Variants in FBXL17 observed in about 807,000 individuals in gnomAD.
The protein encoded by FBXL17 is F-box/LRR-repeat protein 17.
A neutral mutation model predicts 66.2 loss-of-function variants in FBXL17; 22 were observed. The observed-to-expected ratio is 0.33, with a 90% CI of 0.24 to 0.47. The LOEUF (loss-of-function observed/expected upper bound fraction) is 0.47. Among genes scored for constraint, FBXL17 ranks in the 20% least tolerant of loss-of-function variants. The pLI is 1.00. For synonymous variants in FBXL17, 474 were observed against 400.5 expected, an observed-to-expected ratio of 1.18 and a Z score of -2.19; for missense variants, 878 against 948.2, an observed-to-expected ratio of 0.93 and a Z score of 0.97.
chr5:108,248,572 G>A (rs1190945094), intron 4 of FBXL17, among the ~76,000 whole-genome samples: 1 of 152,018 alleles, frequency 6.6e-6, no homozygotes, highest in Admixed American at 6.6e-5. Flanking sequence ...CCCCAAATTT[G>A]GTAAAAGACA....
intron 4 of FBXL17, among the ~76,000 whole-genome samples, chr5:108,293,671 T>C (rs577232752): frequency 1.3e-5 from 2 of 152,180 alleles, no homozygotes; most frequent in Non-Finnish European, 2.9e-5. Flanking sequence ...AAACAGGTAT[T>C]TGCTGTTAAG....
At chr5:108,097,932 T>C (rs1427035286) in intron 6 of FBXL17, among the ~76,000 whole-genome samples, 2 of 152,198 alleles carry the variant, frequency 1.3e-5, no homozygotes, top group African/African-American at 4.8e-5. Flanking sequence ...TAACATTTTA[T>C]ATTGTCTAAC....
chr5:108,271,266 C>T (rs1757256290), intron 4 of FBXL17, among the ~76,000 whole-genome samples: 1 of 152,134 alleles, frequency 6.6e-6, no homozygotes, highest in African/African-American at 2.4e-5. Flanking sequence ...CCTATCTTCT[C>T]TATTAATCCA....
At chr5:107,863,817 T>C (rs964914814) in intron 8 of FBXL17, among the ~76,000 whole-genome samples, 7 of 152,144 alleles carry the variant, frequency 4.6e-5, no homozygotes, top group Non-Finnish European at 1.0e-4. Flanking sequence ...CTCAAGAATC[T>C]CCTTCTTCAG....
intron 7 of FBXL17, among the ~76,000 whole-genome samples, chr5:107,932,634 T>G (rs1168394064): frequency 6.6e-6 from 1 of 152,158 alleles, no homozygotes; most frequent in East Asian, 1.9e-4. Context: ...TTCTTCTCCT[T>G]TAGCATACGG....
chr5:108,074,504 G>T (rs286794), intron 6 of FBXL17, among the ~76,000 whole-genome samples: 84,211 of 151,610 alleles, frequency 0.56, 23,732 homozygotes, highest in African/African-American at 0.65. Flanking sequence ...TTGCTTCCTT[G>T]TTTTATGAAT....
At chr5:107,969,318 T>C (rs1299039477) in intron 7 of FBXL17, among the ~76,000 whole-genome samples, 1 of 152,118 alleles carries the variant, frequency 6.6e-6, no homozygotes, top group African/African-American at 2.4e-5. Context: ...TTAGTACACT[T>C]TAGTATACAC....
At chr5:108,074,797 T>C (rs984677829) in intron 6 of FBXL17, among the ~76,000 whole-genome samples, 2 of 152,208 alleles carry the variant, frequency 1.3e-5, no homozygotes, top group Admixed American at 1.3e-4. Context: ...GAGAGAACAC[T>C]TGACCTTTGT....
intron 6 of FBXL17, among the ~76,000 whole-genome samples, chr5:108,023,082 G>A: frequency 6.6e-6 from 1 of 152,094 alleles, no homozygotes; most frequent in Non-Finnish European, 1.5e-5. Context: ...TAAGAGAAAA[G>A]CAATTTGCTT....
chr5:108,272,084 A>T (rs1315888658), intron 4 of FBXL17, among the ~76,000 whole-genome samples: 1 of 152,090 alleles, frequency 6.6e-6, no homozygotes, highest in Non-Finnish European at 1.5e-5. Context: ...AGGTCATGAG[A>T]TCGAGACCAT....
chr5:108,263,286 G>A (rs929895666), intron 4 of FBXL17, among the ~76,000 whole-genome samples: 1 of 151,506 alleles, frequency 6.6e-6, no homozygotes, highest in African/African-American at 2.4e-5. Context: ...AAATTAAATT[G>A]AAAATAAAAT....
chr5:107,967,054 T>C (rs553049901), intron 7 of FBXL17, among the ~76,000 whole-genome samples: 1 of 152,228 alleles, frequency 6.6e-6, no homozygotes, highest in East Asian at 1.9e-4. Context: ...TGTGAATCAG[T>C]GGCATGACAA....
rs746067118 is a variant in FBXL17, at chr5:107,861,678, G to T, written c.*42C>A. The T allele has an allele frequency of 5.5e-5, 83 of 1,502,458 alleles. No homozygotes were observed. The highest frequency in any genetic ancestry group is 7.4e-5 in the Non-Finnish European group (83 of 1,118,782). 93.1% of individuals were successfully genotyped at this position (1,502,458 alleles called of 1,614,324 possible). On this transcript the variant is annotated 3_prime_UTR_variant, in exon 9 of 9. Transcript: ENST00000542267. ...CTCCCCAAATGTACAATTCTCCTCTGCTCTGCTGAATGATCCCAGTGGACT... is the reference window on the plus strand; with the variant it reads ...CTCCCCAAATGTACAATTCTCCTCTTCTCTGCTGAATGATCCCAGTGGACT...
intron 4 of FBXL17, among the ~76,000 whole-genome samples, chr5:108,340,924 T>C (rs1217083145): frequency 3.3e-5 from 5 of 152,138 alleles, no homozygotes; most frequent in Non-Finnish European, 5.9e-5. Flanking sequence ...TGATTTCAAT[T>C]ACCAGTAGAG....
chr5:108,179,276 A>G (rs562497736), intron 6 of FBXL17, among the ~76,000 whole-genome samples: 1 of 152,270 alleles, frequency 6.6e-6, no homozygotes, highest in South Asian at 2.1e-4. Context: ...CAGAATAAAC[A>G]TCCAGAGAAG....
chr5:108,060,162 C>A (rs993083636), intron 6 of FBXL17, among the ~76,000 whole-genome samples: 5 of 146,756 alleles, frequency 3.4e-5, no homozygotes, highest in Non-Finnish European at 7.5e-5. Context: ...TATCTCTATT[C>A]CACATATGTG....
intron 2 of FBXL17, among the ~76,000 whole-genome samples, chr5:108,366,824 T>G (rs773288091): frequency 2.6e-5 from 4 of 152,096 alleles, no homozygotes; most frequent in Non-Finnish European, 4.4e-5. Flanking sequence ...AGGGAACAAC[T>G]TATACACAAA....
chr5:108,178,699 G>T (rs1752888519), intron 6 of FBXL17, among the ~76,000 whole-genome samples: 1 of 152,196 alleles, frequency 6.6e-6, no homozygotes, highest in African/African-American at 2.4e-5. Flanking sequence ...TATGCAGACA[G>T]ATTGCTCTGC....
At chr5:108,350,130 A>G (rs567557559) in intron 3 of FBXL17, among the ~76,000 whole-genome samples, 2 of 152,326 alleles carry the variant, frequency 1.3e-5, no homozygotes, top group East Asian at 3.9e-4. Flanking sequence ...GGAAAAGCAA[A>G]GAAGTCTATT....
Sources: gnomAD v4.1 joint callset for allele counts (sites outside exome capture counted in the v4.1 genomes callset) on GRCh38, gnomAD v4.1.1 for gene constraint, MANE v1.5 for transcripts, NCBI Gene and HGNC (gene_info 2026-07-23, HGNC 2026-07-21) for gene names.